CTNNA2: variants seen among roughly 807,000 people sequenced by gnomAD.
CTNNA2 encodes catenin alpha 2.
Under a neutral mutation model 101.0 loss-of-function variants are expected in CTNNA2, and 42 were observed. The ratio of observed to expected loss-of-function variants is 0.42; its 90% CI spans 0.32 to 0.54. The LOEUF is 0.54. CTNNA2 is among the 20% of genes least tolerant of loss of function. The probability of loss-of-function intolerance (pLI) is 0.14; values close to 1 mark genes in which losing one functional copy is unlikely to be tolerated. For missense variants in CTNNA2, 871 were observed against 1,223.1 expected, an observed-to-expected ratio of 0.71 and a Z score of 4.29; for synonymous variants, 450 against 456.4, an observed-to-expected ratio of 0.99 and a Z score of 0.18.
intron 2 of CTNNA2, among the ~76,000 whole-genome samples, chr2:79,213,540 G>T (rs1345380068): frequency 2.6e-5 from 4 of 152,202 alleles, no homozygotes; most frequent in African/African-American, 9.6e-5. Flanking sequence ...AGATACTATA[G>T]CATAGCCTGC....
At chr2:80,212,599 G>A (rs1371641103) in intron 7 of CTNNA2, among the ~76,000 whole-genome samples, 1 of 152,160 alleles carries the variant, frequency 6.6e-6, no homozygotes, top group Non-Finnish European at 1.5e-5. Flanking sequence ...ACTTTTTGAT[G>A]TGCTGCCGGA....
chr2:79,564,394 C>T (rs981329636), intron 1 of CTNNA2, among the ~76,000 whole-genome samples: 1 of 151,938 alleles, frequency 6.6e-6, no homozygotes, highest in East Asian at 1.9e-4. Context: ...ATTAGTGGAA[C>T]GCTGTCTCTA....
intron 2 of CTNNA2, among the ~76,000 whole-genome samples, chr2:79,304,732 C>T (rs1042940139): frequency 8.5e-5 from 13 of 152,146 alleles, no homozygotes; most frequent in African/African-American, 3.1e-4. Flanking sequence ...TTGAGCAAAG[C>T]CAAATTGGGA....
chr2:79,393,195 G>T (rs576439143), intron 4 of CTNNA2, among the ~76,000 whole-genome samples: 8 of 152,288 alleles, frequency 5.3e-5, no homozygotes, highest in African/African-American at 1.9e-4. Context: ...CCTTACTCAT[G>T]TGCATCAAAG....
At chr2:79,616,262 A>G (rs1039692451) in intron 1 of CTNNA2, among the ~76,000 whole-genome samples, 2 of 152,126 alleles carry the variant, frequency 1.3e-5, no homozygotes, top group African/African-American at 2.4e-5. Flanking sequence ...GCAATTCAAT[A>G]TGCATAGTAA....
chr2:79,427,872 A>C (rs1329487265), intron 4 of CTNNA2, among the ~76,000 whole-genome samples: 1 of 152,032 alleles, frequency 6.6e-6, no homozygotes, highest in African/African-American at 2.4e-5. Context: ...TAAATTCCTA[A>C]AGGAACAGAT....
At chr2:79,480,756 A>G (rs1453327232) in intron 4 of CTNNA2, among the ~76,000 whole-genome samples, 2 of 152,076 alleles carry the variant, frequency 1.3e-5, no homozygotes, top group African/African-American at 4.8e-5. Context: ...TTTCTTTTCC[A>G]TGACCATATA....
At chr2:80,065,587 TGTGATCTGCCCGCCTCGGCCTCCCAAA>T (rs1697930960) in intron 7 of CTNNA2, among the ~76,000 whole-genome samples, 1 of 151,986 alleles carries the variant, frequency 6.6e-6, no homozygotes, top group African/African-American at 2.4e-5. Context: ...CTCCTGACCT[TGTGATCTGCCCGCCTCGGCCTCCCAAA>T]GTGCTGGGAT....
At position 79,291,758 on chromosome 2, in the gene CTNNA2, G is replaced by A. The variant is rs576253665; in HGVS notation, c.-405-20951G>A. 2.6e-5 allele frequency among the ~76,000 whole-genome samples: 4 copies of A among 152,252 alleles called. No individual in the cohort carries two copies. The South Asian group carries it at 6.2e-4, about 24-fold the overall frequency. On this transcript the variant is annotated intron_variant, in intron 2 of 21. Coordinates refer to the CTNNA2 transcript ENST00000466387. ...TATTTGTGAATAGTCTCCTCCCATGGCAGTGACTTGGACACTAGGGAGGAT... is the reference window on the plus strand; with the variant it reads ...TATTTGTGAATAGTCTCCTCCCATGACAGTGACTTGGACACTAGGGAGGAT...
intron 7 of CTNNA2, among the ~76,000 whole-genome samples, chr2:80,311,629 T>G (rs1183907526): frequency 1.3e-5 from 2 of 152,248 alleles, no homozygotes; most frequent in East Asian, 3.8e-4. Context: ...ACAAAGCCAT[T>G]AATATCTGAA....
At chr2:80,168,343 G>C (rs1573282778) in intron 7 of CTNNA2, among the ~76,000 whole-genome samples, 1 of 152,130 alleles carries the variant, frequency 6.6e-6, no homozygotes, top group East Asian at 1.9e-4. Flanking sequence ...GGGATGTGGG[G>C]ACAATTTGAA....
At chr2:80,150,493 G>T (rs1703630482) in intron 7 of CTNNA2, among the ~76,000 whole-genome samples, 1 of 152,156 alleles carries the variant, frequency 6.6e-6, no homozygotes, top group Admixed American at 6.5e-5. Flanking sequence ...ATTGGGAAAA[G>T]CCTGGAATAC....
intron 9 of CTNNA2, among the ~76,000 whole-genome samples, chr2:80,485,485 C>G (rs1393621751): frequency 6.6e-6 from 1 of 152,110 alleles, no homozygotes. Context: ...GCCTGACAAC[C>G]TGTTAAACAA....
intron 7 of CTNNA2, among the ~76,000 whole-genome samples, chr2:79,958,739 G>T (rs1689419328): frequency 6.6e-6 from 1 of 151,968 alleles, no homozygotes; most frequent in Admixed American, 6.6e-5. Flanking sequence ...TTTAGCACAA[G>T]AATAAACAAT....
At chr2:80,396,859 G>A (rs1678065193) in intron 8 of CTNNA2, among the ~76,000 whole-genome samples, 1 of 152,152 alleles carries the variant, frequency 6.6e-6, no homozygotes, top group African/African-American at 2.4e-5. Context: ...ACCACAATGA[G>A]TCCAGCAATG....
At chr2:79,720,435 A>G (rs990463040) in intron 2 of CTNNA2, among the ~76,000 whole-genome samples, 5 of 152,180 alleles carry the variant, frequency 3.3e-5, no homozygotes, top group Admixed American at 3.3e-4. Context: ...GAAGTATGAT[A>G]TTAGTACTTT....
intron 9 of CTNNA2, among the ~76,000 whole-genome samples, chr2:80,522,892 A>G (rs1311040635): frequency 1.3e-5 from 2 of 152,166 alleles, no homozygotes; most frequent in Non-Finnish European, 2.9e-5. Context: ...GACTAATACA[A>G]TATGTCATTA....
At chr2:80,451,112 G>A (rs1323026390) in intron 9 of CTNNA2, among the ~76,000 whole-genome samples, 2 of 151,972 alleles carry the variant, frequency 1.3e-5, no homozygotes, top group South Asian at 2.1e-4. Flanking sequence ...TTTGTGCCAC[G>A]GTGTGTAGGT....
At chr2:79,252,545 C>G (rs1674786354) in intron 2 of CTNNA2, among the ~76,000 whole-genome samples, 1 of 151,992 alleles carries the variant, frequency 6.6e-6, no homozygotes, top group African/African-American at 2.4e-5. Flanking sequence ...TTTCCCTTCA[C>G]TTAGCCAATT....
Sources: allele counts gnomAD v4.1 joint callset (sites outside exome capture counted in the v4.1 genomes callset), GRCh38; gene constraint gnomAD v4.1.1; transcripts MANE v1.5; gene names NCBI Gene and HGNC (gene_info 2026-07-23, HGNC 2026-07-21).